The following WAC variants were observed in gnomAD, a reference collection of about 807,000 sequenced individuals.
WAC encodes the protein WW domain-containing adapter protein with coiled-coil.
A neutral mutation model predicts 79.6 loss-of-function variants in WAC; 11 were observed. That is an observed-to-expected ratio of 0.14 (90% CI 0.09 to 0.23). The LOEUF is 0.23. Among genes scored for constraint, WAC ranks in the 10% least tolerant of loss-of-function variants. The pLI is 1.00. For synonymous variants in WAC, 304 were observed against 276.9 expected, an observed-to-expected ratio of 1.10 and a Z score of -0.97; for missense variants, 728 against 773.5, an observed-to-expected ratio of 0.94 and a Z score of 0.70.
chr10:28,584,624 A>G (rs545219841), intron 4 of WAC, among the ~76,000 whole-genome samples: 28 of 152,276 alleles, frequency 1.8e-4, no homozygotes, highest in Admixed American at 7.2e-4. Flanking sequence ...GTTGAGTCCA[A>G]CTGATTTTGC....
chr10:28,539,811 G>A (rs1477867715), intron 3 of WAC, among the ~76,000 whole-genome samples: 2 of 152,018 alleles, frequency 1.3e-5, no homozygotes, highest in African/African-American at 2.4e-5. Context: ...CACCTGCCTC[G>A]GCCTCCCAAA....
chr10:28,607,083 T>A (rs1390844291), intron 7 of WAC, among the ~76,000 whole-genome samples: 1 of 152,228 alleles, frequency 6.6e-6, no homozygotes, highest in African/African-American at 2.4e-5. Context: ...AATAATGTCT[T>A]CTGTACATTT....
Position 28,608,392 on chromosome 10 carries a change from C to T in WAC, c.1126C>T (p.Leu376Phe). 6.2e-7 allele frequency: 1 copy of T among 1,610,972 alleles called. No homozygotes were observed. Among genetic ancestry groups the T allele is most frequent in the South Asian group, 1.1e-5 (1 of 90,828 alleles). ...TCCTGCTTTGCAAGCCACGCTGCAG[C>T]TTAATAATTCTAATGTGGACATATC... is the stretch of plus-strand genomic sequence containing the variant. ...LLPALQATLQ[L>F]NNSNVDISKI... Residue 376 changes from leucine (L) to phenylalanine (F), a missense_variant, in exon 8 of 14, where the codon CTT becomes TTT. By Grantham distance (22) the Leu-to-Phe change is conservative. Coordinates refer to ENST00000354911, the MANE Select transcript of WAC (RefSeq NM_016628.5).
chr10:28,546,752 CAT>C (rs1837366974), intron 3 of WAC, among the ~76,000 whole-genome samples: 10 of 152,040 alleles, frequency 6.6e-5, no homozygotes, highest in Admixed American at 4.6e-4. Context: ...TTTATTTAAA[CAT>C]GTAAATTTTG....
At chr10:28,613,876 C>T (rs1841357522) in intron 10 of WAC, among the ~76,000 whole-genome samples, 1 of 152,176 alleles carries the variant, frequency 6.6e-6, no homozygotes, top group African/African-American at 2.4e-5. Context: ...CTTCAGTCTA[C>T]CTCTGTAGAG....
chr10:28,586,089 A>G (rs1212014188), intron 4 of WAC, among the ~76,000 whole-genome samples: 3 of 152,184 alleles, frequency 2.0e-5, no homozygotes, highest in Non-Finnish European at 4.4e-5. Flanking sequence ...TAATGTACCT[A>G]GTGGGAATGA....
At chr10:28,552,845 C>CTTTTTT (rs3029447) in intron 3 of WAC, among the ~76,000 whole-genome samples, 409 of 84,340 alleles carry the variant, frequency 4.8e-3, no homozygotes, top group East Asian at 7.5e-3. Flanking sequence ...CACTTGGCTG[C>CTTTTTT]TTTTTTTTTT....
At chr10:28,614,744 T>A in intron 11 of WAC, 59 bp downstream of exon 11, 1 of 1,295,626 alleles carries the variant, frequency 7.7e-7, no homozygotes. Flanking sequence ...TACACTGCAT[T>A]GTTTGAATAT....
intron 13 of WAC, among the ~76,000 whole-genome samples, chr10:28,618,343 G>A (rs886837612): frequency 1.4e-5 from 2 of 141,858 alleles, no homozygotes; most frequent in Non-Finnish European, 3.0e-5. Context: ...TTTATGTCCT[G>A]TCTGTGCAAG....
chr10:28,540,699 G>A (rs1836961605), intron 3 of WAC, among the ~76,000 whole-genome samples: 2 of 152,102 alleles, frequency 1.3e-5, no homozygotes, highest in African/African-American at 4.8e-5. Flanking sequence ...TTTTTGTCTA[G>A]TAAAAATAGT....
At chr10:28,577,105 A>G (rs1201878118) in intron 3 of WAC, among the ~76,000 whole-genome samples, 1 of 152,072 alleles carries the variant, frequency 6.6e-6, no homozygotes, top group African/African-American at 2.4e-5. Flanking sequence ...GTTGTGATCC[A>G]TTTTTCCCTC....
In WAC at chr10:28,608,319, G is replaced by A. The variant is rs138519406; in HGVS notation, c.1053G>A (p.Ser351=). The A allele has an allele frequency of 3.7e-5, 60 of 1,613,940 alleles. 1 individual carries two copies. Among genetic ancestry groups the A allele is most frequent in the Non-Finnish European group, 4.2e-5 (50 of 1,180,020 alleles). The change falls in exon 8 of 14, where the codon TCG becomes TCA. Residue 351 remains serine, a synonymous_variant. Transcript: ENST00000354911. ...SAVPVSPVPQ[S]PIPPLLQDPN... is the part of the protein sequence containing the mutation. ...TCCCTGTTTCTCCTGTTCCACAGTC[G>A]CCAATACCTCCCTTACTTCAGGACC...
intron 3 of WAC, among the ~76,000 whole-genome samples, chr10:28,552,214 T>C (rs1426339314): frequency 6.6e-6 from 1 of 152,254 alleles, no homozygotes; most frequent in East Asian, 1.9e-4. Flanking sequence ...CTTAGGTATA[T>C]GTGTGGTTTT....
chr10:28,551,733 T>C (rs1837678959), intron 3 of WAC, among the ~76,000 whole-genome samples: 1 of 151,916 alleles, frequency 6.6e-6, no homozygotes, highest in Non-Finnish European at 1.5e-5. Context: ...AGTTAATGTT[T>C]TGAGAATTGA....
In WAC at chr10:28,589,969, T is replaced by C. The variant is rs141923353; in HGVS notation, c.497+118T>C. On this transcript the variant is annotated intron_variant, in intron 5 of 13. Coordinates refer to ENST00000354911, the MANE Select transcript of WAC (RefSeq NM_016628.5). ...TTATAGTGCTGCCCATCTACACTTT[T>C]TAGTTGCGGTGGTTGGTTGCCCCTT... The C allele has an allele frequency of 8.8e-4, 604 of 688,242 alleles. 4 individuals are homozygous for C. The highest frequency in any genetic ancestry group is 4.8e-4 in the Non-Finnish European group (199 of 412,830). The allele number at this position is 688,242 out of a possible 1,614,324, so 42.6% of individuals were successfully genotyped here.
chr10:28,563,798 C>T (rs1052630348), intron 3 of WAC, among the ~76,000 whole-genome samples: 13 of 119,400 alleles, frequency 1.1e-4, no homozygotes, highest in African/African-American at 4.3e-4. Context: ...GACGGGGTTT[C>T]AACATGTTGG....
chr10:28,573,054 C>A (rs1275063997), intron 3 of WAC, among the ~76,000 whole-genome samples: 1 of 152,028 alleles, frequency 6.6e-6, no homozygotes, highest in Non-Finnish European at 1.5e-5. Flanking sequence ...GCTAGTCTCA[C>A]TAAAGGAGTG....
rs768264369 is a variant in WAC at position 28,608,347 on chromosome 10, A to C, written c.1081A>C (p.Asn361His). Residue 361 changes from asparagine (N) to histidine (H), a missense_variant, in exon 8 of 14, where the codon AAT (asparagine) becomes CAT (histidine). Asn to His is a moderately conservative substitution (Grantham distance 68, BLOSUM62 1). This residue lies in a region of WAC where 648 missense variants were observed against 661.5 expected (regional missense o/e 0.98). Coordinates refer to ENST00000354911, the MANE Select transcript of WAC (RefSeq NM_016628.5). ...SPIPPLLQDP[N>H]LLRQLLPALQ... Reference sequence around the variant, plus strand: ...AATACCTCCCTTACTTCAGGACCCAAATCTTCTTAGACAATTGCTTCCTGC... The same window carrying C: ...AATACCTCCCTTACTTCAGGACCCACATCTTCTTAGACAATTGCTTCCTGC... 6.2e-7 allele frequency: 1 copy of C among 1,614,120 alleles called. No individual in the cohort carries two copies. Among genetic ancestry groups the C allele is most frequent in the Non-Finnish European group, 8.5e-7 (1 of 1,180,014 alleles).
At chr10:28,593,353 A>G (rs1840193979) in intron 6 of WAC, among the ~76,000 whole-genome samples, 1 of 152,182 alleles carries the variant, frequency 6.6e-6, no homozygotes, top group South Asian at 2.1e-4. Context: ...AAAGAACTTT[A>G]GGGGATGGCA....
Sources: gnomAD v4.1 joint callset for allele counts (sites outside exome capture counted in the v4.1 genomes callset) on GRCh38, gnomAD v4.1.1 for gene constraint, gnomAD v4.1.1 regional missense constraint, MANE v1.5 for transcripts, NCBI Gene and HGNC (gene_info 2026-07-23, HGNC 2026-07-21) for gene names.